The following XPO4 variants were observed in gnomAD, a reference collection of about 807,000 sequenced individuals.
XPO4 encodes exportin 4.
XPO4 carries 39 observed loss-of-function variants against 143.0 expected under a neutral mutation model. The observed-to-expected ratio is 0.27, with a 90% confidence interval of 0.21 to 0.36. The LOEUF (loss-of-function observed/expected upper bound fraction) is 0.36, where lower values mean the gene tolerates loss of function less well. Among genes scored for constraint, XPO4 ranks in the 10% least tolerant of loss-of-function variants. The probability of loss-of-function intolerance (pLI) is 1.00; values close to 1 mark genes in which losing one functional copy is unlikely to be tolerated. For synonymous variants in XPO4, 439 were observed against 474.0 expected (o/e 0.93, Z 0.96); for missense variants, 907 against 1,348.0 (o/e 0.67, Z 5.12).
At chr13:20,858,544 ACTCT>A (rs979955177) in intron 3 of XPO4, among the ~76,000 whole-genome samples, 3 of 152,024 alleles carry the variant, frequency 2.0e-5, no homozygotes, top group Non-Finnish European at 2.9e-5. Flanking sequence ...ACACAGCAAG[ACTCT>A]CTCTCTTAAA....
chr13:20,880,931 C>T (rs1038410489), intron 1 of XPO4, among the ~76,000 whole-genome samples: 2 of 143,852 alleles, frequency 1.4e-5, no homozygotes, highest in Admixed American at 7.4e-5. Context: ...GCACTTCAGC[C>T]TGGGTAATAG....
At chr13:20,845,507 T>C (rs908151356) in intron 4 of XPO4, among the ~76,000 whole-genome samples, 1 of 152,200 alleles carries the variant, frequency 6.6e-6, no homozygotes, top group Non-Finnish European at 1.5e-5. Flanking sequence ...ACTGCCTTTG[T>C]ATGGCCCCAG....
intron 3 of XPO4, 55 bp from the exon 4 acceptor site, chr13:20,855,820 CT>C (rs1360526595): frequency 4.7e-6 from 7 of 1,499,886 alleles, no homozygotes; most frequent in African/African-American, 1.4e-5. Context: ...TACAAGAATA[CT>C]CCCAAACTTC....
intron 4 of XPO4, chr13:20,850,672 G>A: frequency 2.2e-6 from 1 of 464,160 alleles, no homozygotes; most frequent in Non-Finnish European, 2.8e-6. Flanking sequence ...AGCTGAGGTG[G>A]GAGGATCACT....
intron 1 of XPO4, among the ~76,000 whole-genome samples, chr13:20,893,184 A>G (rs908290190): frequency 6.6e-6 from 1 of 152,214 alleles, no homozygotes; most frequent in Admixed American, 6.5e-5. Context: ...AAAGCCTCAC[A>G]AGGTGCAAAC....
chr13:20,817,337 T>C (rs1201711716), intron 9 of XPO4, among the ~76,000 whole-genome samples: 2 of 152,228 alleles, frequency 1.3e-5, no homozygotes, highest in Non-Finnish European at 2.9e-5. Flanking sequence ...AATGCTGACC[T>C]CTAAATACAC....
At chr13:20,825,992 T>G (rs1456604445) in intron 7 of XPO4, among the ~76,000 whole-genome samples, 4 of 152,196 alleles carry the variant, frequency 2.6e-5, no homozygotes, top group Non-Finnish European at 5.9e-5. Flanking sequence ...TCATCTATAT[T>G]TTTACAACAA....
chr13:20,893,023 G>C (rs999320935), intron 1 of XPO4, among the ~76,000 whole-genome samples: 1 of 152,162 alleles, frequency 6.6e-6, no homozygotes, highest in African/African-American at 2.4e-5. Flanking sequence ...GGGAAGAAAA[G>C]CATTCCAGAC....
chr13:20,855,871 G>A (rs2060138381), intron 3 of XPO4, 106 bp from the exon 4 acceptor site: 6 of 1,196,346 alleles, frequency 5.0e-6, no homozygotes, highest in Non-Finnish European at 6.9e-6. Context: ...GCTTACATGT[G>A]AGAGTAGAAG....
intron 4 of XPO4, chr13:20,848,829 T>G: frequency 1.0e-6 from 1 of 985,302 alleles, no homozygotes; most frequent in Non-Finnish European, 1.2e-6. Flanking sequence ...AATTTTAATA[T>G]GTCAAACAAG....
chr13:20,791,086 G>A (rs929906553), intron 18 of XPO4, among the ~76,000 whole-genome samples: 2 of 151,196 alleles, frequency 1.3e-5, no homozygotes, highest in Admixed American at 1.3e-4. Context: ...TATGACAAAG[G>A]GTTATCATTC....
chr13:20,784,980 A>C (rs1377571807), intron 22 of XPO4, among the ~76,000 whole-genome samples: 1 of 151,968 alleles, frequency 6.6e-6, no homozygotes, highest in Non-Finnish European at 1.5e-5. Flanking sequence ...TGATCCTCCT[A>C]CCTCAGCCTC....
intron 1 of XPO4, among the ~76,000 whole-genome samples, chr13:20,875,957 T>TA (rs1231039383): frequency 5.3e-5 from 8 of 151,726 alleles, no homozygotes; most frequent in Non-Finnish European, 1.2e-4. Context: ...CAAATTAATT[T>TA]AAAAAAAAGA....
chr13:20,789,754 G>A lies in XPO4; in HGVS notation c.2916+708C>T, dbSNP rs570319707. On this transcript the variant is annotated intron_variant, in intron 19 of 22. Coordinates refer to ENST00000255305, the MANE Select transcript of XPO4 (RefSeq NM_022459.5). Reference sequence around the variant, plus strand: ...CTCCTACTCCTTGTCTTTATCTCGTGTGTGTGTGCACACGCATGCATGCAT... The same window carrying A: ...CTCCTACTCCTTGTCTTTATCTCGTATGTGTGTGCACACGCATGCATGCAT... Among the ~76,000 whole-genome samples, 124 of 125,188 alleles carry A rather than the reference G, an allele frequency of 9.9e-4. 2 individuals carry two copies. In the South Asian group the frequency reaches 0.031, roughly 31 times the overall value. The allele number at this position is 125,188 out of a possible 152,430, so 82.1% of individuals were successfully genotyped here. A position where few individuals can be genotyped will look rare whatever the true frequency, so the allele number is the denominator to read the frequency against.
intron 7 of XPO4, among the ~76,000 whole-genome samples, chr13:20,824,941 G>A (rs1159400423): frequency 6.6e-6 from 1 of 152,196 alleles, no homozygotes; most frequent in Non-Finnish European, 1.5e-5. Flanking sequence ...TCTGGAGCAG[G>A]CTGTGCTGAA....
intron 1 of XPO4, among the ~76,000 whole-genome samples, chr13:20,889,639 G>A (rs1286020780): frequency 6.6e-6 from 1 of 152,080 alleles, no homozygotes; most frequent in Admixed American, 6.6e-5. Flanking sequence ...AACAATCAAT[G>A]AACGAACATA....
At chr13:20,813,994 CCA>C (rs1265386575) in intron 9 of XPO4, among the ~76,000 whole-genome samples, 14 of 151,754 alleles carry the variant, frequency 9.2e-5, no homozygotes, top group Non-Finnish European at 1.5e-4. Context: ...ACGCTAAGAG[CCA>C]GGCACTGGAA....
In XPO4 at chr13:20,781,776, T is replaced by A. The variant is rs1413095582; in HGVS notation, c.*1946A>T. ...AGACTGTACTTAGCACACACACAGA[T>A]ACACATAATTCACAACAGCTGAGAA... On this transcript the variant is annotated 3_prime_UTR_variant, in exon 23 of 23. Coordinates refer to ENST00000255305, the MANE Select transcript of XPO4 (RefSeq NM_022459.5). 1 of 152,036 alleles carries A rather than the reference T, an allele frequency of 6.6e-6. No homozygotes were observed. The highest frequency in any genetic ancestry group is 1.5e-5 in the Non-Finnish European group (1 of 68,020). 9.4% of individuals were successfully genotyped at this position (152,036 alleles called of 1,614,324 possible).
intron 6 of XPO4, among the ~76,000 whole-genome samples, chr13:20,835,577 C>T (rs1042537713): frequency 6.6e-6 from 1 of 152,160 alleles, no homozygotes; most frequent in Non-Finnish European, 1.5e-5. Context: ...CCTGACTTCT[C>T]CCCTCAAGCA....
Sources: gnomAD v4.1 joint callset for allele counts (sites outside exome capture counted in the v4.1 genomes callset) on GRCh38, gnomAD v4.1.1 for gene constraint, MANE v1.5 for transcripts, NCBI Gene and HGNC (gene_info 2026-07-23, HGNC 2026-07-21) for gene names.